IGF1R: variants seen among roughly 807,000 people sequenced by gnomAD.
IGF1R encodes the protein insulin-like growth factor 1 receptor.
A neutral mutation model predicts 144.6 loss-of-function variants in IGF1R; 44 were observed. The ratio of observed to expected loss-of-function variants is 0.30; its 90% CI spans 0.24 to 0.39. IGF1R has a LOEUF of 0.39. IGF1R is among the 10% of genes least tolerant of loss of function. The pLI, the probability that IGF1R is intolerant of heterozygous loss-of-function variation, is 1.00. For synonymous variants in IGF1R, 795 were observed against 722.8 expected (o/e 1.10, Z -1.60); for missense variants, 1,355 against 1,833.7 (o/e 0.74, Z 4.77).
chr15:98,843,632 C>G (rs1239216580), intron 2 of IGF1R, among the ~76,000 whole-genome samples: 1 of 151,904 alleles, frequency 6.6e-6, no homozygotes, highest in African/African-American at 2.4e-5. Flanking sequence ...TCCTTCTTAC[C>G]TTGATCCATA....
At chr15:98,788,191 A>G (rs952806898) in intron 2 of IGF1R, among the ~76,000 whole-genome samples, 2 of 152,122 alleles carry the variant, frequency 1.3e-5, no homozygotes, top group Non-Finnish European at 2.9e-5. Flanking sequence ...AGGAATGGGT[A>G]GACTCTAATC....
intron 2 of IGF1R, among the ~76,000 whole-genome samples, chr15:98,745,563 AGGACACCTCTGT>A (rs1481223856): frequency 6.6e-6 from 1 of 152,272 alleles, no homozygotes; most frequent in Non-Finnish European, 1.5e-5. Context: ...GGGCAGGAAC[AGGACACCTCTGT>A]GGTTTTGTTA....
chr15:98,771,582 T>G (rs902543207), intron 2 of IGF1R, among the ~76,000 whole-genome samples: 3 of 152,160 alleles, frequency 2.0e-5, no homozygotes, highest in Non-Finnish European at 4.4e-5. Context: ...GTTGATCTGG[T>G]CAGAATATGC....
At chr15:98,795,263 C>T (rs751204839) in intron 2 of IGF1R, among the ~76,000 whole-genome samples, 19 of 152,292 alleles carry the variant, frequency 1.2e-4, no homozygotes, top group Non-Finnish European at 2.4e-4. Context: ...TTGTATACTA[C>T]ATTAATTTGA....
At chr15:98,857,872 C>T (rs2011919325) in intron 2 of IGF1R, among the ~76,000 whole-genome samples, 1 of 152,096 alleles carries the variant, frequency 6.6e-6, no homozygotes, top group Non-Finnish European at 1.5e-5. Context: ...TCCATTTTTC[C>T]TGTCATATTT....
At chr15:98,765,626 G>A (rs2055418492) in intron 2 of IGF1R, among the ~76,000 whole-genome samples, 1 of 152,004 alleles carries the variant, frequency 6.6e-6, no homozygotes, top group Admixed American at 6.6e-5. Context: ...GCCTGGCCAT[G>A]CCAACAATAA....
chr15:98,798,569 C>A (rs2056297503), intron 2 of IGF1R, among the ~76,000 whole-genome samples: 1 of 151,988 alleles, frequency 6.6e-6, no homozygotes, highest in African/African-American at 2.4e-5. Flanking sequence ...AGAAGATGAA[C>A]CTTAGACCAG....
At position 98,941,616 on chromosome 15, in the gene IGF1R, C is replaced by A. The variant is rs139421656; in HGVS notation, c.3458-1307C>A. Among the ~76,000 whole-genome samples, 3 of 152,344 alleles carry A rather than the reference C, an allele frequency of 2.0e-5. No homozygotes were observed. In the East Asian group the frequency reaches 5.8e-4, roughly 29 times the overall value. ...ATTCACAGATAACACTTTCACACTT[C>A]ATTTTTATTCTTCTCAAGGGCTCAA... On this transcript the variant is annotated intron_variant, in intron 18 of 20. Transcript: ENST00000650285.
At chr15:98,912,954 GA>G (rs1255995780) in intron 7 of IGF1R, 89 bp from the exon 8 acceptor site, 31 of 824,648 alleles carry the variant, frequency 3.8e-5, no homozygotes, top group Middle Eastern at 2.3e-4. Context: ...TCCCATTATA[GA>G]AAGTGTGACA....
At chr15:98,716,847 C>T (rs908476022) in intron 2 of IGF1R, among the ~76,000 whole-genome samples, 3 of 152,086 alleles carry the variant, frequency 2.0e-5, no homozygotes, top group East Asian at 1.9e-4. Flanking sequence ...TCAGCTTGGC[C>T]GCTGTTAGGT....
intron 2 of IGF1R, 143 bp downstream of exon 2, chr15:98,708,250 C>A (rs917204038): frequency 6.5e-6 from 5 of 765,868 alleles, no homozygotes; most frequent in Non-Finnish European, 1.1e-5. Context: ...GCCTGCTGTG[C>A]GGAAGTGGTT....
chr15:98,826,658 G>A (rs1212145828), intron 2 of IGF1R, among the ~76,000 whole-genome samples: 3 of 152,150 alleles, frequency 2.0e-5, no homozygotes, highest in Non-Finnish European at 2.9e-5. Flanking sequence ...AAGATTTAAG[G>A]TTCCAAGAGT....
chr15:98,878,677 A>AC (rs1261281802), intron 2 of IGF1R, among the ~76,000 whole-genome samples: 1 of 93,350 alleles, frequency 1.1e-5, no homozygotes, highest in African/African-American at 3.1e-5. Flanking sequence ...AAAAAAAAAA[A>AC]AAAAAAAAAA....
intron 2 of IGF1R, among the ~76,000 whole-genome samples, chr15:98,766,481 A>T (rs1325377548): frequency 2.0e-5 from 3 of 152,334 alleles, no homozygotes; most frequent in Non-Finnish European, 4.4e-5. Flanking sequence ...TCATTGAAAG[A>T]TAAAAATAAT....
chr15:98,876,499 T>G (rs1482813455), intron 2 of IGF1R, among the ~76,000 whole-genome samples: 3 of 152,152 alleles, frequency 2.0e-5, no homozygotes, highest in Non-Finnish European at 4.4e-5. Flanking sequence ...CTGGTATACT[T>G]GTATCAAGTG....
At chr15:98,751,348 C>T (rs1023156260) in intron 2 of IGF1R, among the ~76,000 whole-genome samples, 7 of 152,052 alleles carry the variant, frequency 4.6e-5, no homozygotes, top group African/African-American at 9.7e-5. Context: ...TACAGGTGTG[C>T]ATCACCACGC....
chr15:98,950,853 G>A (rs565642247), intron 20 of IGF1R, among the ~76,000 whole-genome samples: 1 of 152,222 alleles, frequency 6.6e-6, no homozygotes, highest in East Asian at 1.9e-4. Context: ...GAATTCCATA[G>A]TCTCAGAAAT....
chr15:98,912,077 G>A (rs1385113067), intron 7 of IGF1R, among the ~76,000 whole-genome samples: 1 of 152,178 alleles, frequency 6.6e-6, no homozygotes, highest in East Asian at 1.9e-4. Context: ...CCTCCCGACT[G>A]CAGCCCTCTT....
chr15:98,739,863 A>G (rs772778715), intron 2 of IGF1R, among the ~76,000 whole-genome samples: 12 of 152,210 alleles, frequency 7.9e-5, no homozygotes, highest in Non-Finnish European at 1.6e-4. Flanking sequence ...AGGGGCTGGG[A>G]TTACAGGCCT....
Sources: allele counts gnomAD v4.1 joint callset (sites outside exome capture counted in the v4.1 genomes callset), GRCh38; gene constraint gnomAD v4.1.1; transcripts MANE v1.5; gene names NCBI Gene and HGNC (gene_info 2026-07-23, HGNC 2026-07-21).